TDRD3: variants seen among roughly 807,000 people sequenced by gnomAD.
TDRD3 encodes tudor domain-containing protein 3.
A neutral mutation model predicts 86.7 loss-of-function variants in TDRD3; 45 were observed. The observed-to-expected ratio is 0.52, with a 90% CI of 0.41 to 0.67. The LOEUF is 0.67. TDRD3 is among the 30% of genes least tolerant of loss of function. The pLI, the probability that TDRD3 is intolerant of heterozygous loss-of-function variation, is 0.00. For synonymous variants in TDRD3, 298 were observed against 301.7 expected, an observed-to-expected ratio of 0.99 and a Z score of 0.13; for missense variants, 814 against 889.0, an observed-to-expected ratio of 0.92 and a Z score of 1.07.
At chr13:60,545,136 G>A (rs1214522959) in intron 12 of TDRD3, among the ~76,000 whole-genome samples, 1 of 152,150 alleles carries the variant, frequency 6.6e-6, no homozygotes, top group African/African-American at 2.4e-5. Flanking sequence ...AAGGATATAA[G>A]AGAAGTAGAA....
At chr13:60,508,480 A>G (rs1436953234) in intron 8 of TDRD3, among the ~76,000 whole-genome samples, 4 of 152,112 alleles carry the variant, frequency 2.6e-5, no homozygotes, top group African/African-American at 9.7e-5. Flanking sequence ...CTGCAACCAT[A>G]TGATCTTTGA....
intron 12 of TDRD3, among the ~76,000 whole-genome samples, chr13:60,550,134 T>A (rs1472564554): frequency 6.6e-6 from 1 of 152,082 alleles, no homozygotes; most frequent in South Asian, 2.1e-4. Context: ...AAAGATAGTC[T>A]GTTTCAAAGT....
intron 10 of TDRD3, among the ~76,000 whole-genome samples, chr13:60,515,357 T>C (rs1315157756): frequency 2.0e-5 from 3 of 152,200 alleles, no homozygotes; most frequent in African/African-American, 4.8e-5. Flanking sequence ...CAGGACCTGA[T>C]TGCACCATTA....
intron 1 of TDRD3, among the ~76,000 whole-genome samples, chr13:60,430,867 C>G (rs1954939249): frequency 6.6e-6 from 1 of 152,022 alleles, no homozygotes; most frequent in Non-Finnish European, 1.5e-5. Context: ...ATCTCACGAT[C>G]ATTTTAAAAT....
chr13:60,541,627 C>T (rs900742480), intron 12 of TDRD3, among the ~76,000 whole-genome samples: 3 of 143,082 alleles, frequency 2.1e-5, no homozygotes, highest in African/African-American at 7.8e-5. Flanking sequence ...TGATACTTTA[C>T]TTGTATATCC....
At chr13:60,542,256 A>G (rs1242239343) in intron 12 of TDRD3, among the ~76,000 whole-genome samples, 1 of 152,202 alleles carries the variant, frequency 6.6e-6, no homozygotes. Flanking sequence ...AAATATATGT[A>G]GAAGACTTGC....
intron 8 of TDRD3, among the ~76,000 whole-genome samples, chr13:60,500,310 C>T (rs892391727): frequency 2.6e-5 from 4 of 152,154 alleles, no homozygotes; most frequent in Non-Finnish European, 5.9e-5. Flanking sequence ...TGTGATTGGG[C>T]TTGAGCAGGT....
intron 5 of TDRD3, among the ~76,000 whole-genome samples, chr13:60,476,996 A>G (rs1292878295): frequency 2.0e-5 from 3 of 152,034 alleles, no homozygotes; most frequent in Admixed American, 2.0e-4. Flanking sequence ...TATCATCAGC[A>G]AAGAGAGATA....
At chr13:60,564,758 A>C (rs1052988220) in intron 12 of TDRD3, among the ~76,000 whole-genome samples, 20 of 152,246 alleles carry the variant, frequency 1.3e-4, no homozygotes, top group African/African-American at 3.9e-4. Flanking sequence ...CTTACAGAGT[A>C]CTGAGACCTA....
chr13:60,446,615 G>A (rs1955405367), intron 3 of TDRD3, among the ~76,000 whole-genome samples: 1 of 152,038 alleles, frequency 6.6e-6, no homozygotes, highest in East Asian at 1.9e-4. Context: ...TAATGAAGAT[G>A]TTTTGAAAAA....
intron 1 of TDRD3, among the ~76,000 whole-genome samples, chr13:60,409,936 C>T (rs1446281312): frequency 6.6e-6 from 1 of 152,236 alleles, no homozygotes; most frequent in East Asian, 1.9e-4. Flanking sequence ...AATTGTATCT[C>T]CCAGAATTCC....
intron 12 of TDRD3, among the ~76,000 whole-genome samples, chr13:60,556,454 T>C (rs1471998056): frequency 6.6e-6 from 1 of 152,248 alleles, no homozygotes; most frequent in African/African-American, 2.4e-5. Context: ...ACATGGACTT[T>C]AACTATACTT....
rs1957525968 is a variant in TDRD3, at chr13:60,529,160, T to A, written c.1935T>A (p.Tyr645Ter). Residue 645 changes from tyrosine to a stop codon, truncating the protein, a stop_gained, in exon 11 of 14, where the codon TAT becomes TAA. Coordinates refer to ENST00000377881, the MANE Select transcript of TDRD3 (RefSeq NM_001146070.2). LOFTEE classifies it high-confidence loss of function. ...TAGAATCATCTATTCCTATGGAGTA[T>A]GCAAAAATGTGGAAACCTGGAGATG... Reference protein sequence around the residue: ...KILESSIPMEYAKMWKPGDEC... With the variant: ...KILESSIPME The A allele has an allele frequency of 6.2e-7, 1 of 1,609,360 alleles. No homozygotes were observed. Among genetic ancestry groups the A allele is most frequent in the Non-Finnish European group, 8.5e-7 (1 of 1,178,558 alleles).
upstream of TDRD3, among the ~76,000 whole-genome samples, chr13:60,396,195 A>G (rs1845016795): frequency 6.6e-6 from 1 of 152,196 alleles, no homozygotes; most frequent in Non-Finnish European, 1.5e-5. Context: ...CGGCGGAGAT[A>G]GGGATTAAGT....
intron 3 of TDRD3, among the ~76,000 whole-genome samples, chr13:60,452,296 T>A (rs1319164724): frequency 2.6e-5 from 4 of 152,158 alleles, no homozygotes; most frequent in African/African-American, 7.2e-5. Context: ...TGTTTAAAAA[T>A]TTTTTAATTA....
chr13:60,487,758 T>TG (rs1956479803), intron 7 of TDRD3, among the ~76,000 whole-genome samples: 3 of 152,222 alleles, frequency 2.0e-5, no homozygotes, highest in Non-Finnish European at 4.4e-5. Context: ...TTTGACCCAC[T>TG]GCTTTCCTTT....
intron 1 of TDRD3, among the ~76,000 whole-genome samples, chr13:60,429,264 C>T (rs1397933281): frequency 1.3e-5 from 2 of 151,938 alleles, no homozygotes; most frequent in Non-Finnish European, 2.9e-5. Flanking sequence ...TACAGGGAAT[C>T]GTTATGCTAT....
intron 3 of TDRD3, among the ~76,000 whole-genome samples, chr13:60,448,518 C>T (rs1247704029): frequency 6.6e-6 from 1 of 152,042 alleles, no homozygotes; most frequent in Non-Finnish European, 1.5e-5. Flanking sequence ...AACCTTGATG[C>T]AAAAGTTTCA....
intron 12 of TDRD3, among the ~76,000 whole-genome samples, chr13:60,563,916 G>A (rs906763002): frequency 2.0e-5 from 3 of 152,304 alleles, no homozygotes; most frequent in African/African-American, 4.8e-5. Flanking sequence ...CAGGAAAAAC[G>A]CAGTTGTAAC....
Sources: gnomAD v4.1 joint callset for allele counts (sites outside exome capture counted in the v4.1 genomes callset) on GRCh38, gnomAD v4.1.1 for gene constraint, MANE v1.5 for transcripts, NCBI Gene and HGNC (gene_info 2026-07-23, HGNC 2026-07-21) for gene names.